The following TTBK2 variants were observed in gnomAD, a reference collection of about 807,000 sequenced individuals.
TTBK2 encodes tau tubulin kinase 2.
In TTBK2, 28 loss-of-function variants were observed where a neutral mutation model predicts 110.8. The observed-to-expected ratio is 0.25, with a 90% CI of 0.19 to 0.35. TTBK2 has a LOEUF of 0.35. TTBK2 is among the 10% of genes least tolerant of loss of function. The pLI, the probability that TTBK2 is intolerant of heterozygous loss-of-function variation, is 1.00. For synonymous variants in TTBK2, 532 were observed against 527.3 expected, an observed-to-expected ratio of 1.01 and a Z score of -0.12; for missense variants, 1,369 against 1,500.3, an observed-to-expected ratio of 0.91 and a Z score of 1.45.
chr15:42,854,230 C>T (rs1334655436), intron 3 of TTBK2, among the ~76,000 whole-genome samples: 1 of 152,196 alleles, frequency 6.6e-6, no homozygotes, highest in Non-Finnish European at 1.5e-5. Flanking sequence ...TGAGTTACTG[C>T]ACCTGGCCTA....
intron 3 of TTBK2, among the ~76,000 whole-genome samples, chr15:42,866,267 C>A (rs1489856135): frequency 6.6e-6 from 1 of 151,886 alleles, no homozygotes; most frequent in Non-Finnish European, 1.5e-5. Context: ...GTGAGTACAT[C>A]TCCAAGAAAA....
intron 3 of TTBK2, among the ~76,000 whole-genome samples, chr15:42,847,103 C>T (rs985801487): frequency 5.3e-5 from 8 of 152,256 alleles, no homozygotes; most frequent in Admixed American, 4.6e-4. Flanking sequence ...ATCAAGGGAG[C>T]CCCAGGTTGC....
At chr15:42,794,408 C>T (rs1890840878) in intron 10 of TTBK2, among the ~76,000 whole-genome samples, 1 of 152,136 alleles carries the variant, frequency 6.6e-6, no homozygotes, top group Non-Finnish European at 1.5e-5. Context: ...AATTTGATAT[C>T]AACAAGTCAC....
intron 1 of TTBK2, among the ~76,000 whole-genome samples, chr15:42,916,533 G>A (rs1400168628): frequency 6.6e-6 from 1 of 152,092 alleles, no homozygotes; most frequent in African/African-American, 2.4e-5. Context: ...CGCCACGTTG[G>A]CCAGACTTGT....
At chr15:42,766,521 C>A (rs1889388685) in intron 13 of TTBK2, among the ~76,000 whole-genome samples, 1 of 140,706 alleles carries the variant, frequency 7.1e-6, no homozygotes, top group East Asian at 2.1e-4. Context: ...CAACAAAGAT[C>A]AAAACAGACA....
chr15:42,846,307 A>G (rs1336721770), intron 3 of TTBK2, among the ~76,000 whole-genome samples: 1 of 151,676 alleles, frequency 6.6e-6, no homozygotes, highest in Admixed American at 6.6e-5. Flanking sequence ...CTCGTGCCTC[A>G]GCCTCCCAAG....
In TTBK2 at chr15:42,872,502, C is replaced by A. The variant is rs1894654518; in HGVS notation, c.217+109G>T. 25 of 1,296,608 alleles carry A rather than the reference C, an allele frequency of 1.9e-5. 1 individual carries two copies. The South Asian group carries it at 3.2e-4, about 16-fold the overall frequency. The allele number at this position is 1,296,608 out of a possible 1,614,324, so 80.3% of individuals were successfully genotyped here. ...TCAGCGTATTTATACCCGGCTGACA[C>A]CAGTACATTCAATTAGTACTTAAAG... On this transcript the variant is annotated intron_variant, in intron 3 of 14. Coordinates refer to ENST00000267890, the MANE Select transcript of TTBK2 (RefSeq NM_173500.4).
chr15:42,746,644 A>G (rs2061798221), intron 14 of TTBK2, among the ~76,000 whole-genome samples: 2 of 152,240 alleles, frequency 1.3e-5, no homozygotes, highest in South Asian at 4.1e-4. Context: ...TAAGACAGAG[A>G]GTAAACCATA....
At chr15:42,848,508 GA>G (rs1396688760) in intron 3 of TTBK2, among the ~76,000 whole-genome samples, 1 of 123,526 alleles carries the variant, frequency 8.1e-6, no homozygotes, top group Non-Finnish European at 1.7e-5. Flanking sequence ...TTTTTTTTTT[GA>G]GACAGAGTTT....
At chr15:42,912,341 TC>T (rs1315225221) in intron 1 of TTBK2, among the ~76,000 whole-genome samples, 1 of 152,162 alleles carries the variant, frequency 6.6e-6, no homozygotes. Context: ...AGTAATAAAC[TC>T]CTACATTTAG....
intron 6 of TTBK2, among the ~76,000 whole-genome samples, chr15:42,826,303 A>G (rs1892535133): frequency 6.6e-6 from 1 of 152,092 alleles, no homozygotes; most frequent in Admixed American, 6.5e-5. Flanking sequence ...AAAACTTTAA[A>G]GAAGGAGACA....
At chr15:42,874,302 ATTTTTTTAT>A (rs1198054662) in intron 2 of TTBK2, among the ~76,000 whole-genome samples, 1 of 151,712 alleles carries the variant, frequency 6.6e-6, no homozygotes, top group African/African-American at 2.4e-5. Context: ...ATCCTTCTTT[ATTTTTTTAT>A]TTTTTTTATT....
chr15:42,842,288 C>T (rs1256230928), intron 3 of TTBK2, among the ~76,000 whole-genome samples: 2 of 151,930 alleles, frequency 1.3e-5, no homozygotes, highest in Non-Finnish European at 2.9e-5. Flanking sequence ...CTGAGAGAGC[C>T]GTATCACAGA....
At chr15:42,816,867 C>T (rs1373556233) in intron 7 of TTBK2, among the ~76,000 whole-genome samples, 165 bp downstream of exon 7, 2 of 151,550 alleles carry the variant, frequency 1.3e-5, no homozygotes, top group Non-Finnish European at 2.9e-5. Context: ...TGCGGTGAGC[C>T]AAGATCGGGC....
At chr15:42,780,202 T>C (rs1490615289) in intron 11 of TTBK2, among the ~76,000 whole-genome samples, 6 of 146,912 alleles carry the variant, frequency 4.1e-5, no homozygotes, top group Admixed American at 4.0e-4. Context: ...TTTTTTTTTT[T>C]TTTTTTTTTT....
intron 3 of TTBK2, among the ~76,000 whole-genome samples, chr15:42,861,928 C>A (rs537153753): frequency 3.3e-5 from 5 of 152,092 alleles, no homozygotes; most frequent in Non-Finnish European, 7.4e-5. Context: ...CACGGAAGTA[C>A]AAAAGATCCT....
At chr15:42,756,573 G>A (rs773642189) in intron 13 of TTBK2, among the ~76,000 whole-genome samples, 14 of 151,988 alleles carry the variant, frequency 9.2e-5, no homozygotes, top group Middle Eastern at 3.4e-3. Context: ...GCAACAGAGC[G>A]ACACTCTGTC....
At chr15:42,830,217 C>T in intron 4 of TTBK2, 139 bp from the exon 5 acceptor site, 1 of 1,016,718 alleles carries the variant, frequency 9.8e-7, no homozygotes, top group Non-Finnish European at 1.4e-6. Context: ...GAGGGAGTTT[C>T]ACTCTTGTTG....
chr15:42,798,911 T>C (rs77502149), intron 9 of TTBK2, among the ~76,000 whole-genome samples: 2,184 of 152,258 alleles, frequency 0.014, 26 homozygotes, highest in Middle Eastern at 0.065. Flanking sequence ...GCAAAAATGC[T>C]ACACAGGTTG....
Sources: allele counts gnomAD v4.1 joint callset (sites outside exome capture counted in the v4.1 genomes callset), GRCh38; gene constraint gnomAD v4.1.1; transcripts MANE v1.5; gene names NCBI Gene and HGNC (gene_info 2026-07-23, HGNC 2026-07-21).